WWOX: variants seen among roughly 807,000 people sequenced by gnomAD.
The protein encoded by WWOX is WW domain-containing oxidoreductase.
Under a neutral mutation model 46.2 loss-of-function variants are expected in WWOX, and 69 were observed. The ratio of observed to expected loss-of-function variants is 1.49; its 90% CI spans 1.23 to 1.82. WWOX has a LOEUF of 1.82. Ranked by LOEUF, WWOX falls within the 40% of genes most tolerant of loss-of-function variation. The probability of loss-of-function intolerance (pLI) is 0.00; values close to 1 mark genes in which losing one functional copy is unlikely to be tolerated. For missense variants in WWOX, 919 were observed against 542.6 expected (o/e 1.69, Z -6.89); for synonymous variants, 359 against 202.6 (o/e 1.77, Z -6.56).
intron 8 of WWOX, among the ~76,000 whole-genome samples, chr16:78,461,986 A>G (rs1208379073): frequency 6.6e-6 from 1 of 152,258 alleles, no homozygotes; most frequent in Non-Finnish European, 1.5e-5. Flanking sequence ...GACCATTTTC[A>G]GCATTTTGCT....
intron 8 of WWOX, among the ~76,000 whole-genome samples, chr16:79,115,837 C>T (rs1371621082): frequency 1.3e-5 from 2 of 152,190 alleles, no homozygotes; most frequent in Non-Finnish European, 1.5e-5. Flanking sequence ...CAGCTTTCGC[C>T]ACCCAATTCG....
chr16:79,115,464 T>A (rs2049498074), intron 8 of WWOX, among the ~76,000 whole-genome samples: 2 of 152,146 alleles, frequency 1.3e-5, no homozygotes, highest in African/African-American at 4.8e-5. Flanking sequence ...GCTGCTCTTG[T>A]TATAAGCCAG....
At chr16:78,392,180 T>G (rs1484875437) in intron 6 of WWOX, among the ~76,000 whole-genome samples, 1 of 152,040 alleles carries the variant, frequency 6.6e-6, no homozygotes, top group Non-Finnish European at 1.5e-5. Context: ...CGTCTGTGCT[T>G]AGAGCCGCTC....
chr16:78,178,505 G>T (rs2035421881), intron 5 of WWOX, among the ~76,000 whole-genome samples: 2 of 152,238 alleles, frequency 1.3e-5, no homozygotes, highest in Middle Eastern at 6.8e-3. Context: ...GGCACTTTAG[G>T]AGTAGGAATA....
intron 4 of WWOX, among the ~76,000 whole-genome samples, chr16:78,146,097 G>C (rs2034188319): frequency 2.0e-5 from 3 of 152,172 alleles, no homozygotes; most frequent in Admixed American, 2.0e-4. Context: ...CTTAGGGGCA[G>C]CTTTGAGCCA....
chr16:78,911,154 G>A (rs1363050193), intron 8 of WWOX, among the ~76,000 whole-genome samples: 1 of 151,954 alleles, frequency 6.6e-6, no homozygotes, highest in African/African-American at 2.4e-5. Flanking sequence ...GCCCTTGTCA[G>A]AGTGGAAGGT....
At chr16:79,168,773 A>C (rs1222191498) in intron 8 of WWOX, among the ~76,000 whole-genome samples, 2 of 152,188 alleles carry the variant, frequency 1.3e-5, no homozygotes, top group African/African-American at 4.8e-5. Context: ...CAGTTTCCCA[A>C]GATCCCGGAG....
intron 4 of WWOX, among the ~76,000 whole-genome samples, chr16:78,129,320 CTTAA>C (rs1480646171): frequency 6.6e-6 from 1 of 152,114 alleles, no homozygotes; most frequent in East Asian, 1.9e-4. Context: ...TACATGTTTA[CTTAA>C]TTATTGGGAA....
At chr16:78,940,530 C>T (rs908026666) in intron 8 of WWOX, among the ~76,000 whole-genome samples, 10 of 152,154 alleles carry the variant, frequency 6.6e-5, no homozygotes, top group Non-Finnish European at 1.0e-4. Context: ...TTTCCATCGA[C>T]ATCCCGTGTT....
intron 8 of WWOX, among the ~76,000 whole-genome samples, chr16:78,877,102 GGAA>G (rs1209090774): frequency 6.6e-6 from 1 of 152,132 alleles, no homozygotes; most frequent in Admixed American, 6.6e-5. Flanking sequence ...GGTTCAGTAA[GGAA>G]GAAGGTTTTG....
chr16:78,550,506 G>A (rs1053486162), intron 8 of WWOX, among the ~76,000 whole-genome samples: 2 of 152,152 alleles, frequency 1.3e-5, no homozygotes, highest in Non-Finnish European at 2.9e-5. Context: ...GCACTTGTTT[G>A]TCTGGGAGAC....
chr16:78,389,013 T>C (rs7203071), intron 6 of WWOX, among the ~76,000 whole-genome samples: 17,173 of 151,424 alleles, frequency 0.11, 2,781 homozygotes, highest in African/African-American at 0.36. Flanking sequence ...CTGGAGTATG[T>C]CAGTGTCCCA....
intron 5 of WWOX, among the ~76,000 whole-genome samples, chr16:78,269,779 C>T (rs773218833): frequency 1.4e-4 from 22 of 152,110 alleles, no homozygotes; most frequent in African/African-American, 4.8e-4. Flanking sequence ...AAATACTTTC[C>T]GAGGCCGACA....
intron 4 of WWOX, among the ~76,000 whole-genome samples, chr16:78,160,092 C>T (rs1041105815): frequency 6.6e-6 from 1 of 151,768 alleles, no homozygotes; most frequent in African/African-American, 2.4e-5. Flanking sequence ...TTATTTCCAT[C>T]GTTCTGCTTT....
At chr16:78,841,865 A>G (rs1216419836) in intron 8 of WWOX, among the ~76,000 whole-genome samples, 1 of 152,160 alleles carries the variant, frequency 6.6e-6, no homozygotes, top group African/African-American at 2.4e-5. Flanking sequence ...GACCTTGGTA[A>G]GGGGTTATAC....
At position 78,630,651 on chromosome 16, in the gene WWOX, C is replaced by T. The variant is rs547893048; in HGVS notation, c.1056+197899C>T. ...TTTCTCCAGACTTCGCCTCATTCAC[C>T]ATTTCCCTGTGCTCATTTTGCCTTG... is the stretch of plus-strand genomic sequence containing the variant. On this transcript the variant is annotated intron_variant, in intron 8 of 8. Coordinates refer to ENST00000566780, the MANE Select transcript of WWOX (RefSeq NM_016373.4). Among the ~76,000 whole-genome samples the T allele has an allele frequency of 3.2e-4, 48 of 152,296 alleles. 1 individual carries two copies. Among genetic ancestry groups the T allele is most frequent in the African/African-American group, 1.1e-3 (47 of 41,572 alleles).
At chr16:78,726,207 T>TC (rs1168252595) in intron 8 of WWOX, among the ~76,000 whole-genome samples, 4 of 150,208 alleles carry the variant, frequency 2.7e-5, no homozygotes, top group Non-Finnish European at 5.9e-5. Context: ...CTTCCTTCCT[T>TC]CTTTTCTTCC....
chr16:78,445,105 T>C (rs1302626828), intron 8 of WWOX, among the ~76,000 whole-genome samples: 1 of 152,198 alleles, frequency 6.6e-6, no homozygotes, highest in Non-Finnish European at 1.5e-5. Flanking sequence ...TTTCTGGACG[T>C]ACCACCTCGT....
rs187065247 is a variant in WWOX, at chr16:78,407,629, C to T, written c.606-17241C>T. Among the ~76,000 whole-genome samples the T allele has an allele frequency of 6.1e-3, 930 of 152,214 alleles. 6 individuals are homozygous for T. Among genetic ancestry groups the T allele is most frequent in the Admixed American group, 0.012 (185 of 15,296 alleles). On this transcript the variant is annotated intron_variant, in intron 6 of 8. Coordinates refer to ENST00000566780, the MANE Select transcript of WWOX (RefSeq NM_016373.4). ...TGTCTCATTCTTGGGTTCCTTGAGTCGTAATGGGTTTGTCTTGTCTCCACA... is the reference window on the plus strand; with the variant it reads ...TGTCTCATTCTTGGGTTCCTTGAGTTGTAATGGGTTTGTCTTGTCTCCACA...
Sources: gnomAD v4.1 joint callset for allele counts (sites outside exome capture counted in the v4.1 genomes callset) on GRCh38, gnomAD v4.1.1 for gene constraint, MANE v1.5 for transcripts, NCBI Gene and HGNC (gene_info 2026-07-23, HGNC 2026-07-21) for gene names.